Variants in FGD1 observed in about 807,000 individuals in gnomAD.
FGD1 encodes the protein FYVE, RhoGEF and PH domain containing 1.
Under a neutral mutation model 65.0 loss-of-function variants are expected in FGD1, and 12 were observed. The observed-to-expected ratio is 0.18, with a 90% CI of 0.12 to 0.30. The LOEUF (loss-of-function observed/expected upper bound fraction) is 0.30. Ranked by LOEUF, FGD1 falls within the 10% of genes least tolerant of loss-of-function variation. The pLI, the probability that FGD1 is intolerant of heterozygous loss-of-function variation, is 1.00. For missense variants in FGD1, 542 were observed against 837.6 expected (o/e 0.65, Z 4.36); for synonymous variants, 333 against 343.9 (o/e 0.97, Z 0.35).
At chrX:54,473,520 C>T (rs749439665) in intron 1 of FGD1, among the ~76,000 whole-genome samples, 8 of 112,144 alleles carry the variant, frequency 7.1e-5, no homozygotes, top group African/African-American at 2.6e-4. Flanking sequence ...ATGGGTTTTG[C>T]ATCCTCGGCC....
chrX:54,456,579 G>A lies in FGD1; in HGVS notation c.1637-12C>T. ...CAGCTCCAGAGACTCTACAGGCATA[G>A]AGGGGTGAGGTCAGATGGGGGACTA... On this transcript the variant is annotated splice_polypyrimidine_tract_variant and intron_variant, in intron 8 of 17. Coordinates refer to ENST00000375135, the MANE Select transcript of FGD1 (RefSeq NM_004463.3). 5 of 1,200,472 alleles carry A rather than the reference G, an allele frequency of 4.2e-6. No individual in the cohort carries two copies. The highest frequency in any genetic ancestry group is 5.6e-6 in the Non-Finnish European group (5 of 885,883).
At chrX:54,472,269 C>T (rs746633598) in intron 1 of FGD1, among the ~76,000 whole-genome samples, 4 of 103,196 alleles carry the variant, frequency 3.9e-5, no homozygotes, top group African/African-American at 1.1e-4. Flanking sequence ...AAGAGCAAGA[C>T]GCTGTCTCAA....
At chrX:54,451,102 G>GT (rs1289202882) in intron 12 of FGD1, among the ~76,000 whole-genome samples, 43 of 107,459 alleles carry the variant, frequency 4.0e-4, no homozygotes, top group Admixed American at 3.8e-3. Context: ...AAAGAGGGTA[G>GT]TTTTTTTTTC....
At chrX:54,478,393 T>TG (rs1241662296) in intron 1 of FGD1, among the ~76,000 whole-genome samples, 2 of 110,581 alleles carry the variant, frequency 1.8e-5, no homozygotes, top group East Asian at 5.7e-4. Flanking sequence ...TCTGGTCTTT[T>TG]TTTTTTTCTT....
intron 6 of FGD1, among the ~76,000 whole-genome samples, chrX:54,466,819 G>A (rs1454805275): frequency 4.7e-5 from 5 of 106,607 alleles, no homozygotes; most frequent in African/African-American, 1.7e-4. Flanking sequence ...GTACGATCTC[G>A]GCTCACTGCA....
intron 1 of FGD1, among the ~76,000 whole-genome samples, chrX:54,489,353 G>A (rs1267016377): frequency 1.8e-5 from 2 of 112,146 alleles, no homozygotes; most frequent in Admixed American, 9.5e-5. Flanking sequence ...AGGCCGAGGC[G>A]GTTGGATCAC....
At chrX:54,463,522 T>C (rs369660488) in intron 8 of FGD1, among the ~76,000 whole-genome samples, 8 of 112,036 alleles carry the variant, frequency 7.1e-5, no homozygotes, top group African/African-American at 2.6e-4. Flanking sequence ...CAGCTCTCTC[T>C]CTCTTGCTCC....
rs765178830 is a variant in FGD1 at position 54,495,314 on chromosome X, G to A, written c.119C>T (p.Pro40Leu). 72 of 1,171,725 alleles carry A rather than the reference G, an allele frequency of 6.1e-5. No individual in the cohort carries two copies. Among genetic ancestry groups the A allele is most frequent in the Non-Finnish European group, 8.0e-5 (70 of 877,834 alleles). The change falls in exon 1 of 18, where the codon CCC becomes CTC. Residue 40 changes from proline to leucine, a missense_variant. Pro to Leu is a moderately conservative substitution (Grantham distance 98, BLOSUM62 -3). Coordinates refer to ENST00000375135, the MANE Select transcript of FGD1 (RefSeq NM_004463.3). ...CADSDPGASE[P>L]GLLARRGSGS... ...TGAGCCCCTGCGCGCCAGCAGTCCG[G>A]GTTCCGAGGCTCCAGGGTCCGAGTC...
At chrX:54,448,516 GC>G (rs1220904074) in intron 16 of FGD1, among the ~76,000 whole-genome samples, 2 of 112,246 alleles carry the variant, frequency 1.8e-5, no homozygotes, top group African/African-American at 6.5e-5. Flanking sequence ...ATCCAGTGCT[GC>G]CACTCATTTG....
At chrX:54,485,976 TG>T (rs1423276522) in intron 1 of FGD1, among the ~76,000 whole-genome samples, 8 of 110,329 alleles carry the variant, frequency 7.3e-5, no homozygotes, top group Non-Finnish European at 1.3e-4. Flanking sequence ...GGTTTCACCA[TG>T]TTGGCCAGGA....
chrX:54,459,086 AG>A (rs1922572851), intron 8 of FGD1, among the ~76,000 whole-genome samples: 1 of 111,270 alleles, frequency 9.0e-6, no homozygotes, highest in Non-Finnish European at 1.9e-5. Context: ...ACCCCAAGGC[AG>A]GGGGCAGGCT....
intron 16 of FGD1, among the ~76,000 whole-genome samples, chrX:54,447,806 C>T (rs1163773210): frequency 4.5e-5 from 5 of 112,199 alleles, no homozygotes; most frequent in Non-Finnish European, 9.4e-5. Context: ...TTCCTACACT[C>T]ATTGAGAGGT....
At chrX:54,449,052 C>T (rs1420845462) in intron 15 of FGD1, 85 bp from the exon 16 acceptor site, 4 of 1,196,918 alleles carry the variant, frequency 3.3e-6, no homozygotes, top group Admixed American at 2.2e-5. Context: ...CTTGTGGCCT[C>T]CCCCCACTTG....
chrX:54,485,856 C>G (rs976425470), intron 1 of FGD1, among the ~76,000 whole-genome samples: 1 of 109,402 alleles, frequency 9.1e-6, no homozygotes, highest in Non-Finnish European at 1.9e-5. Context: ...CTCACTGCAA[C>G]TTCCACCTCC....
intron 1 of FGD1, among the ~76,000 whole-genome samples, chrX:54,479,208 G>A (rs2147440327): frequency 8.9e-6 from 1 of 112,384 alleles, no homozygotes; most frequent in East Asian, 2.8e-4. Context: ...CTGTGTCTGA[G>A]GACAAGGGCT....
intron 12 of FGD1, among the ~76,000 whole-genome samples, chrX:54,454,628 A>G (rs1244117826): frequency 9.9e-6 from 1 of 100,608 alleles, no homozygotes; most frequent in Non-Finnish European, 2.0e-5. Context: ...CCTGGGTGAC[A>G]GAGTGAGACT....
rs941749803 is a variant in FGD1, at chrX:54,457,776, T to A, written c.1637-1209A>T. On this transcript the variant is annotated intron_variant, in intron 8 of 17. Coordinates refer to ENST00000375135, the MANE Select transcript of FGD1 (RefSeq NM_004463.3). ...TTTTCCTACTTCTTTCATCTTTTTC[T>A]GTAATTTCCATATTTCCTATAGTGA... 5.5e-5 allele frequency among the ~76,000 whole-genome samples: 6 copies of A among 109,934 alleles called. No homozygotes were observed. The East Asian group carries it at 1.4e-3, about 26-fold the overall frequency.
rs1164232390 is a variant in FGD1, at chrX:54,448,842, G to C, written c.2400C>G (p.Ser800Arg). 8.3e-7 allele frequency: 1 copy of C among 1,211,578 alleles called. No homozygotes were observed. Among genetic ancestry groups the C allele is most frequent in the Non-Finnish European group, 1.1e-6 (1 of 895,394 alleles). The change falls in exon 16 of 18, where the codon AGC becomes AGG. Residue 800 changes from serine to arginine, a missense_variant. By Grantham distance (110) the Ser-to-Arg change is moderately radical. This residue lies in a region of FGD1 where 182 missense variants were observed against 311.4 expected (regional missense o/e 0.58). Coordinates refer to ENST00000375135, the MANE Select transcript of FGD1 (RefSeq NM_004463.3). ...HGVPGSSPAC[S>R]QHTPQRRRSI... Reference sequence around the variant, plus strand: ...ACCTCCGGCGCTGGGGTGTATGCTGGCTGCAGGCTGGACTGCTCCCAGGCA... The same window carrying C: ...ACCTCCGGCGCTGGGGTGTATGCTGCCTGCAGGCTGGACTGCTCCCAGGCA...
Position 54,449,774 on chromosome X carries a change from G to A in FGD1, c.2047-14C>T. ...GGAGTTGATGGCCTGGGGAGGAGGTGTAAGAAATGAGAAGTCAGATCACCC... is the reference window on the plus strand; with the variant it reads ...GGAGTTGATGGCCTGGGGAGGAGGTATAAGAAATGAGAAGTCAGATCACCC... On this transcript the variant is annotated splice_polypyrimidine_tract_variant and intron_variant, in intron 13 of 17. Transcript: ENST00000375135. The A allele has an allele frequency of 8.9e-7, 1 of 1,124,526 alleles. No homozygotes were observed. The allele number at this position is 1,124,526 out of a possible 1,213,427, so 92.7% of individuals were successfully genotyped here.
Sources: allele counts gnomAD v4.1 joint callset (sites outside exome capture counted in the v4.1 genomes callset), GRCh38; gene constraint gnomAD v4.1.1; regional missense constraint gnomAD v4.1.1; transcripts MANE v1.5; gene names NCBI Gene and HGNC (gene_info 2026-07-23, HGNC 2026-07-21).